FAM186B: variants seen among roughly 807,000 people sequenced by gnomAD.
The protein encoded by FAM186B is family with sequence similarity 186 member B.
In FAM186B, 68 loss-of-function variants were observed where a neutral mutation model predicts 83.4. The observed-to-expected ratio is 0.81, with a 90% CI of 0.67 to 1.00. The LOEUF is 1.00. Ranked by LOEUF, FAM186B falls within the 50% of genes least tolerant of loss-of-function variation. The pLI, the probability that FAM186B is intolerant of heterozygous loss-of-function variation, is 0.00. For missense variants in FAM186B, 983 were observed against 1,099.2 expected (o/e 0.89, Z 1.49); for synonymous variants, 389 against 422.0 (o/e 0.92, Z 0.96).
intron 5 of FAM186B, chr12:49,595,694 C>T: frequency 2.7e-6 from 1 of 366,354 alleles, no homozygotes; most frequent in South Asian, 2.3e-5. Flanking sequence ...AAGACTAGAG[C>T]AGCAAGTGGC....
chr12:49,597,653 T>C (rs1939760486), intron 5 of FAM186B, among the ~76,000 whole-genome samples: 1 of 152,242 alleles, frequency 6.6e-6, no homozygotes, highest in Non-Finnish European at 1.5e-5. Context: ...TGTGAGATGA[T>C]GGATATGTTA....
At chr12:49,613,383 C>T in the FAM186B span, among the ~76,000 whole-genome samples, 108 of 151,206 alleles carry the variant, frequency 7.1e-4, no homozygotes, top group East Asian at 9.0e-3. Flanking sequence ...AAAAATTAGC[C>T]GGGTGTGGTG....
chr12:49,618,343 G>GAA, the FAM186B span, among the ~76,000 whole-genome samples: 1 of 139,556 alleles, frequency 7.2e-6, no homozygotes, highest in Non-Finnish European at 1.6e-5. Flanking sequence ...GACTCCGTCT[G>GAA]AAAAAAAAAA....
At chr12:49,592,362 C>T (rs1939600306) in intron 5 of FAM186B, among the ~76,000 whole-genome samples, 1 of 152,056 alleles carries the variant, frequency 6.6e-6, no homozygotes. Context: ...ATCTCAGCTA[C>T]TCAGGTGGCT....
At chr12:49,591,291 T>C (rs988196929) in intron 5 of FAM186B, among the ~76,000 whole-genome samples, 5 of 152,108 alleles carry the variant, frequency 3.3e-5, no homozygotes, top group African/African-American at 1.2e-4. Flanking sequence ...TCCCGTTAAG[T>C]CTCTGTGCAG....
At chr12:49,599,430 C>T (rs1331379595) in intron 4 of FAM186B, 39 bp downstream of exon 4, 1 of 1,508,104 alleles carries the variant, frequency 6.6e-7, no homozygotes, top group Non-Finnish European at 8.8e-7. Flanking sequence ...CAACATATTG[C>T]AGCAGGTGGG....
chr12:49,598,866 T>C lies in FAM186B; in HGVS notation c.2253A>G (p.Glu751=). The change falls in exon 5 of 7, where the codon GAA becomes GAG. Residue 751 remains glutamate, a synonymous_variant. Coordinates refer to ENST00000257894, the MANE Select transcript of FAM186B (RefSeq NM_032130.3). ...YKAQNLYIFL[E]NIDRLQSLRL... is the part of the protein sequence containing the mutation. Reference sequence around the variant, plus strand: ...TGAGACTCTGCAGGCGGTCAATGTTTTCCAGGAAGATGTAGAGGTTCTGGG... The same window carrying C: ...TGAGACTCTGCAGGCGGTCAATGTTCTCCAGGAAGATGTAGAGGTTCTGGG... 6.8e-6 allele frequency: 11 copies of C among 1,613,406 alleles called. No individual in the cohort carries two copies. Among genetic ancestry groups the C allele is most frequent in the Non-Finnish European group, 9.3e-6 (11 of 1,179,878 alleles).
chr12:49,599,642 C>T lies in FAM186B; in HGVS notation c.1998G>A (p.Met666Ile). The change falls in exon 4 of 7, where the codon ATG (methionine) becomes ATA (isoleucine). Residue 666 changes from methionine (M) to isoleucine (I), a missense_variant. By Grantham distance (10) the Met-to-Ile change is conservative (BLOSUM62 1). Coordinates refer to ENST00000257894, the MANE Select transcript of FAM186B (RefSeq NM_032130.3). Reference protein sequence around the residue: ...NIKKKVYHMDMEAQRKNLQLL... With the variant: ...NIKKKVYHMDIEAQRKNLQLL... ...GCTGCAGGTTCTTCCTCTGGGCCTCCATGTCCATGTGGTACACCTTCTTCT... is the reference window on the plus strand; with the variant it reads ...GCTGCAGGTTCTTCCTCTGGGCCTCTATGTCCATGTGGTACACCTTCTTCT... The T allele has an allele frequency of 6.2e-7, 1 of 1,607,274 alleles. No individual in the cohort carries two copies. The highest frequency in any genetic ancestry group is 8.5e-7 in the Non-Finnish European group (1 of 1,176,738).
At chr12:49,588,356 G>A in intron 6 of FAM186B, 98 bp downstream of exon 6, 1 of 1,418,720 alleles carries the variant, frequency 7.0e-7, no homozygotes, top group South Asian at 1.3e-5. Context: ...TGGCCTGTTG[G>A]TGCCCTCACT....
At chr12:49,616,756 G>A in the FAM186B span, among the ~76,000 whole-genome samples, 1 of 152,216 alleles carries the variant, frequency 6.6e-6, no homozygotes, top group Non-Finnish European at 1.5e-5. Flanking sequence ...AAAGGTTTTT[G>A]AGTAAAGGAA....
chr12:49,592,682 AG>A (rs1592546092), intron 5 of FAM186B, among the ~76,000 whole-genome samples: 1 of 152,178 alleles, frequency 6.6e-6, no homozygotes, highest in East Asian at 1.9e-4. Context: ...GCTACTCAGG[AG>A]GCTGAGGCAT....
chr12:49,613,978 G>A, the FAM186B span, among the ~76,000 whole-genome samples: 71 of 151,634 alleles, frequency 4.7e-4, no homozygotes, highest in East Asian at 9.7e-3. Context: ...GTGAAACCCC[G>A]TCTCTACTAA....
chr12:49,586,985 G>C (rs1171473156), downstream of FAM186B, among the ~76,000 whole-genome samples: 1 of 152,176 alleles, frequency 6.6e-6, no homozygotes, highest in Non-Finnish European at 1.5e-5. Flanking sequence ...ACTGACACAG[G>C]GCCAGGGTCA....
the FAM186B span, among the ~76,000 whole-genome samples, chr12:49,617,208 T>G: frequency 6.6e-6 from 1 of 152,160 alleles, no homozygotes; most frequent in Non-Finnish European, 1.5e-5. Flanking sequence ...ACCCAACCCC[T>G]TCTCAAGCAA....
intron 5 of FAM186B, among the ~76,000 whole-genome samples, chr12:49,590,724 G>A (rs1299209319): frequency 3.3e-5 from 5 of 152,122 alleles, no homozygotes; most frequent in Admixed American, 6.6e-5. Context: ...TTAAGAGAGT[G>A]AGTGATACCT....
upstream of FAM186B, among the ~76,000 whole-genome samples, chr12:49,608,948 T>C (rs1433265638): frequency 2.6e-5 from 4 of 152,136 alleles, no homozygotes; most frequent in East Asian, 1.9e-4. Context: ...GATGCCACTT[T>C]TAATCCAGGC....
chr12:49,606,457 T>C (rs2138317671), upstream of FAM186B, among the ~76,000 whole-genome samples: 1 of 146,734 alleles, frequency 6.8e-6, no homozygotes, highest in South Asian at 2.2e-4. Flanking sequence ...TTCACGCCAC[T>C]ACACCCCAGC....
Position 49,598,946 on chromosome 12 carries a change from GC to G in FAM186B, c.2172del (p.Gln725LysfsTer10), listed in dbSNP as rs1939797952. ...ATTTGTACATGGTTGATCGCTTCTT[GC>G]CTGGGAAAAGAGGAGAAGCAATTTA... is the stretch of plus-strand genomic sequence containing the variant. ...YIFYRRLQSL[R>X]QEAINHVQIM... On this transcript the variant is annotated frameshift_variant and splice_region_variant, in exon 5 of 7. Transcript: ENST00000257894. LOFTEE classifies it high-confidence loss of function. The G allele has an allele frequency of 6.2e-7, 1 of 1,613,562 alleles. No homozygotes were observed. Among genetic ancestry groups the G allele is most frequent in the South Asian group, 1.1e-5 (1 of 91,038 alleles).
rs780764330 is a variant in FAM186B, at chr12:49,598,831, G to A, written c.2288C>T (p.Ala763Val). ...CAGCCCCTTCTGCTTGTCCGTCCAG[G>A]CCTGCAGCCTGAGACTCTGCAGGCG... Reference protein sequence around the residue: ...IDRLQSLRLQAWTDKQKGLEE... With the variant: ...IDRLQSLRLQVWTDKQKGLEE... Residue 763 changes from alanine (A) to valine (V), a missense_variant, in exon 5 of 7, where the codon GCC becomes GTC. By Grantham distance (64) the Ala-to-Val change is moderately conservative. Coordinates refer to ENST00000257894, the MANE Select transcript of FAM186B (RefSeq NM_032130.3). 6.2e-7 allele frequency: 1 copy of A among 1,613,098 alleles called. No individual in the cohort carries two copies. Among genetic ancestry groups the A allele is most frequent in the Admixed American group, 1.7e-5 (1 of 59,858 alleles).
Sources: gnomAD v4.1 joint callset for allele counts (sites outside exome capture counted in the v4.1 genomes callset) on GRCh38, gnomAD v4.1.1 for gene constraint, MANE v1.5 for transcripts, NCBI Gene and HGNC (gene_info 2026-07-23, HGNC 2026-07-21) for gene names.